The following RUNDC3A variants were observed in gnomAD, a reference collection of about 807,000 sequenced individuals.
RUNDC3A encodes RUN domain containing 3A, also known as RUN domain-containing protein 3A.
A neutral mutation model predicts 53.9 loss-of-function variants in RUNDC3A; 28 were observed. The ratio of observed to expected loss-of-function variants is 0.52; its 90% CI spans 0.38 to 0.71. RUNDC3A has a LOEUF of 0.71. Ranked by LOEUF, RUNDC3A falls within the 30% of genes least tolerant of loss-of-function variation. The pLI, the probability that RUNDC3A is intolerant of heterozygous loss-of-function variation, is 0.00. For missense variants in RUNDC3A, 491 were observed against 597.3 expected (o/e 0.82, Z 1.85); for synonymous variants, 232 against 249.4 (o/e 0.93, Z 0.66).
Position 44,318,324 on chromosome 17 carries a change from C to A in RUNDC3A, c.*86C>A. 2.1e-6 allele frequency: 3 copies of A among 1,416,826 alleles called. No homozygotes were observed. The highest frequency in any genetic ancestry group is 2.9e-6 in the Non-Finnish European group (3 of 1,038,044). The allele number at this position is 1,416,826 out of a possible 1,614,324, so 87.8% of individuals were successfully genotyped here. On this transcript the variant is annotated 3_prime_UTR_variant, in exon 11 of 11. Transcript: ENST00000426726. Reference sequence around the variant, plus strand: ...TTCAACAAGAGTCCCCCAATCCAGGCTACCCTTCCAGAGAACGCTACCCAC... The same window carrying A: ...TTCAACAAGAGTCCCCCAATCCAGGATACCCTTCCAGAGAACGCTACCCAC...
chr17:44,311,476 T>A, intron 1 of RUNDC3A: 1 of 435,476 alleles, frequency 2.3e-6, no homozygotes, highest in Non-Finnish European at 3.1e-6. Flanking sequence ...GGGATGAGAG[T>A]AATACTAAGA....
chr17:44,311,465 G>A, intron 1 of RUNDC3A: 1 of 510,264 alleles, frequency 2.0e-6, no homozygotes, highest in Non-Finnish European at 2.5e-6. Flanking sequence ...CCTGTAAAAT[G>A]GGGATGAGAG....
chr17:44,312,426 T>C (rs140847198), intron 1 of RUNDC3A, among the ~76,000 whole-genome samples, 154 bp from the exon 2 acceptor site: 37 of 152,154 alleles, frequency 2.4e-4, no homozygotes, highest in Non-Finnish European at 3.8e-4. Flanking sequence ...CTATGGTCAC[T>C]GTAGTCTTGC....
At chr17:44,314,020 A>G in intron 4 of RUNDC3A, 1 of 991,728 alleles carries the variant, frequency 1.0e-6, no homozygotes, top group Non-Finnish European at 1.2e-6. Flanking sequence ...AGTCAAATCT[A>G]ATGCCCATTA....
At position 44,308,775 on chromosome 17, in the gene RUNDC3A, G is replaced by A; in HGVS notation, c.-58G>A. On this transcript the variant is annotated 5_prime_UTR_variant, in exon 1 of 11. Coordinates refer to ENST00000426726, the MANE Select transcript of RUNDC3A (RefSeq NM_001144825.2). Reference sequence around the variant, plus strand: ...CCAGCCGTGATCCAGCGACGGGTTTGGGGCTCCGGGAGGGGTGGGGGGGCA... The same window carrying A: ...CCAGCCGTGATCCAGCGACGGGTTTAGGGCTCCGGGAGGGGTGGGGGGGCA... 3.3e-6 allele frequency: 4 copies of A among 1,227,038 alleles called. No homozygotes were observed. Among genetic ancestry groups the A allele is most frequent in the Non-Finnish European group, 4.5e-6 (4 of 880,204 alleles). 76.0% of individuals were successfully genotyped at this position (1,227,038 alleles called of 1,614,324 possible).
chr17:44,312,958 G>A lies in RUNDC3A; in HGVS notation c.224-146G>A, dbSNP rs555295973. The A allele has an allele frequency of 9.4e-6, 8 of 850,444 alleles. No homozygotes were observed. The East Asian group carries it at 2.1e-4, about 22-fold the overall frequency. The allele number at this position is 850,444 out of a possible 1,614,324, so 52.7% of individuals were successfully genotyped here. ...AATCCCCATCATGGGCAAGCGATAT[G>A]CTGGGGTGCCCACTGCACACGTGCA... On this transcript the variant is annotated intron_variant, in intron 2 of 10. Transcript: ENST00000426726.
Position 44,315,660 on chromosome 17 carries a change from C to A in RUNDC3A, c.953+51C>A. ...CTGACCCCCGCCGCCCCGACCACATCACCGGGTGAACCCCATCTTCACTTC... is the reference window on the plus strand; with the variant it reads ...CTGACCCCCGCCGCCCCGACCACATAACCGGGTGAACCCCATCTTCACTTC... On this transcript the variant is annotated intron_variant, in intron 8 of 10. Coordinates refer to ENST00000426726, the MANE Select transcript of RUNDC3A (RefSeq NM_001144825.2). The surrounding 1 kb of genome is among the most constrained non-coding windows in gnomAD (Gnocchi z 6.1). 7.4e-7 allele frequency: 1 copy of A among 1,343,406 alleles called. No individual in the cohort carries two copies. The highest frequency in any genetic ancestry group is 3.6e-5 in the Admixed American group (1 of 27,654). 83.2% of individuals were successfully genotyped at this position (1,343,406 alleles called of 1,614,324 possible). A position where few individuals can be genotyped will look rare whatever the true frequency, so the allele number is the denominator to read the frequency against.
chr17:44,314,898 C>T (rs1033420289), intron 5 of RUNDC3A, 31 bp from the exon 6 acceptor site: 1 of 1,614,042 alleles, frequency 6.2e-7, no homozygotes, highest in Non-Finnish European at 8.5e-7. Flanking sequence ...CCCTCACACC[C>T]ACCTCCAACC....
chr17:44,316,703 C>T lies in RUNDC3A; in HGVS notation c.1176C>T (p.Asp392=), dbSNP rs2047871562. 1.9e-6 allele frequency: 3 copies of T among 1,549,380 alleles called. No individual in the cohort carries two copies. Among genetic ancestry groups the T allele is most frequent in the Non-Finnish European group, 2.6e-6 (3 of 1,146,844 alleles). The change falls in exon 10 of 11, where the codon GAC becomes GAT. Residue 392 remains aspartate (D), a synonymous_variant. Transcript: ENST00000426726. ...DSQRLGEGTR[D]EEPWGPIGKD... The stretch of plus-strand genomic sequence containing the variant: ...AGCGCCTGGGAGAGGGCACGCGGGA[C>T]GAGGAGCCCTGGGGTCCCATCGGTG...
chr17:44,312,706 C>A lies in RUNDC3A; in HGVS notation c.223+11C>A. On this transcript the variant is annotated intron_variant, in intron 2 of 10. Coordinates refer to ENST00000426726, the MANE Select transcript of RUNDC3A (RefSeq NM_001144825.2). ...GCCACCGCTTCAAAGGTGGGCCCAG[C>A]GCCCCTCCCCCAGCGGTCCCTCCCC... 2 of 1,451,052 alleles carry A rather than the reference C, an allele frequency of 1.4e-6. No homozygotes were observed. The highest frequency in any genetic ancestry group is 1.9e-6 in the Non-Finnish European group (2 of 1,075,998). 89.9% of individuals were successfully genotyped at this position (1,451,052 alleles called of 1,614,324 possible). A position where few individuals can be genotyped will look rare whatever the true frequency, so the allele number is the denominator to read the frequency against.
Position 44,313,493 on chromosome 17 carries a change from C to A in RUNDC3A, c.448C>A (p.Arg150=). The A allele has an allele frequency of 1.2e-6, 2 of 1,609,126 alleles. No homozygotes were observed. Among genetic ancestry groups the A allele is most frequent in the Non-Finnish European group, 8.5e-7 (1 of 1,175,930 alleles). ...EYITTALRDT[R]TTRRFYDSGA... ...CATCACCACGGCTCTGCGTGACACC[C>A]GGACCACCAGGTCAGACTTCCCAGG... is the stretch of plus-strand genomic sequence containing the variant. Residue 150 remains arginine (R), a synonymous_variant, in exon 4 of 11, where the codon CGG becomes AGG. Transcript: ENST00000426726.
At chr17:44,313,708 T>A in intron 4 of RUNDC3A, 2 of 1,327,700 alleles carry the variant, frequency 1.5e-6, no homozygotes, top group Non-Finnish European at 9.6e-7. Context: ...TGAGAAGGAG[T>A]TTCGCTCTTG....
intron 4 of RUNDC3A, 59 bp from the exon 5 acceptor site, chr17:44,314,676 G>GGGC: frequency 3.9e-6 from 2 of 519,304 alleles, no homozygotes; most frequent in South Asian, 9.1e-5. Flanking sequence ...AGCAGCTCTG[G>GGGC]GGGGGGGGGG....
intron 10 of RUNDC3A, chr17:44,317,052 G>T (rs2047880798): frequency 5.3e-6 from 2 of 374,134 alleles, no homozygotes; most frequent in Non-Finnish European, 9.7e-6. Context: ...ACGGAGTTTC[G>T]CCAGGCTGGT....
intron 1 of RUNDC3A, chr17:44,311,139 A>G (rs774560122): frequency 7.9e-5 from 78 of 985,480 alleles, no homozygotes; most frequent in Non-Finnish European, 9.4e-5. Context: ...TGCAACCCCA[A>G]GACTGACCTG....
At position 44,308,932 on chromosome 17, in the gene RUNDC3A, G is replaced by A; in HGVS notation, c.100G>A (p.Val34Met). ...TGTGGAGCGTAAGAACCTGATCACC[G>A]TGTGCAGGTGGGCACCGCTAGTGGG... Reference protein sequence around the residue: ...VAVERKNLITVCRFSVKTLLE... With the variant: ...VAVERKNLITMCRFSVKTLLE... Residue 34 changes from valine to methionine, a missense_variant, in exon 1 of 11, where the codon GTG (valine) becomes ATG (methionine). This residue lies in a region of RUNDC3A where 273 missense variants were observed against 389.0 expected (regional missense o/e 0.70). Transcript: ENST00000426726. 1 of 1,604,726 alleles carries A rather than the reference G, an allele frequency of 6.2e-7. No homozygotes were observed. The highest frequency in any genetic ancestry group is 2.3e-5 in the East Asian group (1 of 44,234).
At chr17:44,313,919 C>T in intron 4 of RUNDC3A, 1 of 966,316 alleles carries the variant, frequency 1.0e-6, no homozygotes, top group African/African-American at 1.8e-5. Flanking sequence ...ATCCTCCCGC[C>T]TTGGCCTCCC....
At chr17:44,317,386 C>A (rs772814408) in intron 10 of RUNDC3A, 6 of 766,706 alleles carry the variant, frequency 7.8e-6, no homozygotes, top group Non-Finnish European at 1.2e-5. Flanking sequence ...CGGGGGCTCA[C>A]AAACTCTCGG....
rs777378122 is a variant in RUNDC3A at position 44,315,342 on chromosome 17, G to C, written c.795+22G>C. 16 of 1,348,998 alleles carry C rather than the reference G, an allele frequency of 1.2e-5. No homozygotes were observed. The East Asian group carries it at 5.0e-4, about 42-fold the overall frequency. The allele number at this position is 1,348,998 out of a possible 1,614,324, so 83.6% of individuals were successfully genotyped here. On this transcript the variant is annotated intron_variant, in intron 7 of 10. Transcript: ENST00000426726. The surrounding 1 kb of genome is among the most constrained non-coding windows in gnomAD (Gnocchi z 6.1). ...GAAGGTGCGCGACGCCGGCGGGCCC[G>C]GGGGGCGGGCGGGCCGGGCGGGGGA...
Sources: allele counts gnomAD v4.1 joint callset (sites outside exome capture counted in the v4.1 genomes callset), GRCh38; gene constraint gnomAD v4.1.1; regional missense constraint gnomAD v4.1.1; non-coding constraint Gnocchi (gnomAD v3.1); transcripts MANE v1.5; gene names NCBI Gene and HGNC (gene_info 2026-07-23, HGNC 2026-07-21).